GPATCH8: variants seen among roughly 807,000 people sequenced by gnomAD.
GPATCH8 encodes the protein G-patch domain containing 8.
GPATCH8 carries 18 observed loss-of-function variants against 118.3 expected under a neutral mutation model. The observed-to-expected ratio is 0.15, with a 90% CI of 0.11 to 0.23. The LOEUF is 0.23. GPATCH8 is among the 10% of genes least tolerant of loss of function. The probability of loss-of-function intolerance (pLI) is 1.00; values close to 1 mark genes in which losing one functional copy is unlikely to be tolerated. For missense variants in GPATCH8, 1,631 were observed against 1,873.8 expected (o/e 0.87, Z 2.39); for synonymous variants, 659 against 684.7 (o/e 0.96, Z 0.59).
intron 5 of GPATCH8, among the ~76,000 whole-genome samples, chr17:44,432,680 C>T (rs986248726): frequency 9.9e-5 from 15 of 151,816 alleles, no homozygotes; most frequent in Non-Finnish European, 2.1e-4. Context: ...TAAGGAGGAG[C>T]TAAGTTACTA....
At chr17:44,421,492 A>C (rs1364897587) in intron 6 of GPATCH8, among the ~76,000 whole-genome samples, 1 of 151,730 alleles carries the variant, frequency 6.6e-6, no homozygotes, top group Non-Finnish European at 1.5e-5. Flanking sequence ...CAGCCTCCTG[A>C]GAAGCTGGGA....
chr17:44,458,221 A>G (rs1358032321), intron 3 of GPATCH8, among the ~76,000 whole-genome samples: 1 of 150,598 alleles, frequency 6.6e-6, no homozygotes, highest in Non-Finnish European at 1.5e-5. Flanking sequence ...ACTGTACTCC[A>G]GCCTGGGCAA....
intron 3 of GPATCH8, among the ~76,000 whole-genome samples, chr17:44,458,938 G>A (rs2051444015): frequency 6.6e-6 from 1 of 152,132 alleles, no homozygotes; most frequent in African/African-American, 2.4e-5. Flanking sequence ...ATAATTTCAT[G>A]ATTTCATTTT....
rs1298744421 is a variant in GPATCH8 at position 44,401,111 on chromosome 17, A to C, written c.966T>G (p.His322Gln). The change falls in exon 8 of 8, where the codon CAT becomes CAG. Residue 322 changes from histidine (H) to glutamine (Q), a missense_variant. Physicochemically the swap from His to Gln is conservative, Grantham distance 24. Around this residue, in one of 8 missense-constraint regions of GPATCH8, gnomAD observed 405 missense variants for 462.7 expected, o/e 0.88. Transcript: ENST00000591680. Reference sequence around the variant, plus strand: ...CATCTTCAGAGGTCCCTTCCTCCGCATGGTCCTTGAAAACTGATGCTATTG... The same window carrying C: ...CATCTTCAGAGGTCCCTTCCTCCGCCTGGTCCTTGAAAACTGATGCTATTG... ...LESIASVFKD[H>Q]AEEGTSEDGT... The C allele has an allele frequency of 6.2e-7, 1 of 1,614,014 alleles. No individual in the cohort carries two copies. The highest frequency in any genetic ancestry group is 2.2e-5 in the East Asian group (1 of 44,898).
chr17:44,415,824 G>T (rs772410407), intron 6 of GPATCH8, among the ~76,000 whole-genome samples: 12 of 152,236 alleles, frequency 7.9e-5, no homozygotes, highest in Non-Finnish European at 1.5e-4. Context: ...TAGAACAAAA[G>T]TAAGGCAGAA....
intron 3 of GPATCH8, among the ~76,000 whole-genome samples, chr17:44,454,319 C>T (rs2051246187): frequency 6.6e-6 from 1 of 152,106 alleles, no homozygotes. Context: ...GAAGGGGTCT[C>T]ACTATGTCGC....
At chr17:44,427,507 A>G (rs938301663) in intron 5 of GPATCH8, among the ~76,000 whole-genome samples, 1 of 152,136 alleles carries the variant, frequency 6.6e-6, no homozygotes, top group Non-Finnish European at 1.5e-5. Context: ...TAAAGTATAT[A>G]CATATAACTG....
intron 1 of GPATCH8, among the ~76,000 whole-genome samples, chr17:44,492,668 C>T: frequency 6.6e-6 from 1 of 152,094 alleles, no homozygotes; most frequent in Admixed American, 6.6e-5. Flanking sequence ...TTCGAAATGT[C>T]TTTGCACCAG....
At chr17:44,419,871 A>T (rs774249355) in intron 6 of GPATCH8, among the ~76,000 whole-genome samples, 5 of 152,134 alleles carry the variant, frequency 3.3e-5, no homozygotes, top group Non-Finnish European at 7.4e-5. Context: ...AACTATGAAA[A>T]ATTTAGTGCT....
chr17:44,422,558 C>T (rs1334993594), intron 6 of GPATCH8, among the ~76,000 whole-genome samples: 2 of 151,558 alleles, frequency 1.3e-5, no homozygotes, highest in East Asian at 1.9e-4. Flanking sequence ...GGTGCGATCT[C>T]GGCTCACTGC....
chr17:44,441,942 C>T (rs1175051111), intron 3 of GPATCH8, among the ~76,000 whole-genome samples: 3 of 151,696 alleles, frequency 2.0e-5, no homozygotes, highest in Non-Finnish European at 4.4e-5. Flanking sequence ...GCAGGAGAAT[C>T]GCTTAAACCC....
rs145982532 is a variant in GPATCH8, at chr17:44,458,133, C to T, written c.193+6339G>A. Among the ~76,000 whole-genome samples the T allele has an allele frequency of 6.3e-3, 954 of 151,404 alleles. 32 individuals are homozygous for T. The highest frequency in any genetic ancestry group is 0.05 in the Admixed American group (759 of 15,188). On this transcript the variant is annotated intron_variant, in intron 3 of 7. Transcript: ENST00000591680. ...AGGCATGGTGGCATGCGCCTGTAGT[C>T]CCCACTACTCATGGGTCTAAGGCAG... is the stretch of plus-strand genomic sequence containing the variant.
chr17:44,476,565 T>C (rs1391808987), intron 1 of GPATCH8, among the ~76,000 whole-genome samples: 2 of 152,174 alleles, frequency 1.3e-5, no homozygotes, highest in Admixed American at 1.3e-4. Context: ...AAACAAGTCA[T>C]AGTAATGAAA....
Position 44,397,707 on chromosome 17 carries a change from A to C in GPATCH8, c.4370T>G (p.Val1457Gly), listed in dbSNP as rs777291648. The C allele has an allele frequency of 6.2e-7, 1 of 1,609,828 alleles. No individual in the cohort carries two copies. Among genetic ancestry groups the C allele is most frequent in the East Asian group, 2.2e-5 (1 of 44,804 alleles). The change falls in exon 8 of 8, where the codon GTC becomes GGC. Residue 1457 changes from valine (V) to glycine (G), a missense_variant. By Grantham distance (109) the Val-to-Gly change is moderately radical. Coordinates refer to ENST00000591680, the MANE Select transcript of GPATCH8 (RefSeq NM_001002909.4). ...IHPGPFTFHPVPHAALYPTLL... is the reference protein window; with the variant it reads ...IHPGPFTFHPGPHAALYPTLL... ...GGTGGGGTAGAGGGCAGCATGTGGG[A>C]CAGGGTGAAAGGTGAAGGGCCCAGG...
rs935676151 is a variant in GPATCH8, at chr17:44,406,498, G to GC, written c.493-448_493-447insG. The stretch of plus-strand genomic sequence containing the variant: ...TGAAAAGCAATGTACAGCTTACATG[G>GC]GGGGGGGGGGTTATTTAAATTAGAA... On this transcript the variant is annotated intron_variant, in intron 6 of 7. Coordinates refer to ENST00000591680, the MANE Select transcript of GPATCH8 (RefSeq NM_001002909.4). Among the ~76,000 whole-genome samples the GC allele has an allele frequency of 9.9e-5, 13 of 131,924 alleles. 3 individuals carry two copies. The highest frequency in any genetic ancestry group is 2.7e-4 in the South Asian group (1 of 3,704). 86.5% of individuals were successfully genotyped at this position (131,924 alleles called of 152,430 possible).
At chr17:44,422,347 TTACATTTTTTGTAATTAGC>T (rs2049937718) in intron 6 of GPATCH8, among the ~76,000 whole-genome samples, 1 of 151,976 alleles carries the variant, frequency 6.6e-6, no homozygotes, top group African/African-American at 2.4e-5. Flanking sequence ...ACCCAGCTAA[TTACATTTTTTGTAATTAGC>T]TTAGATTGGG....
chr17:44,502,180 CTATT>C (rs1402449331), intron 1 of GPATCH8, among the ~76,000 whole-genome samples: 4 of 152,098 alleles, frequency 2.6e-5, no homozygotes, highest in African/African-American at 9.7e-5. Flanking sequence ...ACTGCTTTAC[CTATT>C]TATTTACCAA....
chr17:44,463,258 G>C (rs925775265), intron 3 of GPATCH8, among the ~76,000 whole-genome samples: 6 of 151,922 alleles, frequency 3.9e-5, no homozygotes, highest in African/African-American at 1.5e-4. Flanking sequence ...ATCAGACTTT[G>C]GCATTCAAAC....
chr17:44,436,882 TC>T (rs1395902631), intron 3 of GPATCH8: 2 of 296,144 alleles, frequency 6.8e-6, no homozygotes, highest in Non-Finnish European at 1.3e-5. Context: ...CCAAATAACT[TC>T]CCATCAAGTA....
Sources: allele counts gnomAD v4.1 joint callset (sites outside exome capture counted in the v4.1 genomes callset), GRCh38; gene constraint gnomAD v4.1.1; regional missense constraint gnomAD v4.1.1; transcripts MANE v1.5; gene names NCBI Gene and HGNC (gene_info 2026-07-23, HGNC 2026-07-21).